Variants in SORCS3 observed in about 807,000 individuals in gnomAD.
SORCS3 encodes the protein sortilin related VPS10 domain containing receptor 3, also known as VPS10 domain-containing receptor SorCS3.
SORCS3 carries 57 observed loss-of-function variants against 146.3 expected under a neutral mutation model. The ratio of observed to expected loss-of-function variants is 0.39; its 90% CI spans 0.31 to 0.49. SORCS3 has a LOEUF of 0.49. Among genes scored for constraint, SORCS3 ranks in the 20% least tolerant of loss-of-function variants. The pLI is 0.92. For missense variants in SORCS3, 1,341 were observed against 1,575.5 expected (o/e 0.85, Z 2.52); for synonymous variants, 653 against 618.5 (o/e 1.06, Z -0.83).
chr10:104,799,066 T>C (rs926429260), intron 1 of SORCS3, among the ~76,000 whole-genome samples: 1 of 152,170 alleles, frequency 6.6e-6, no homozygotes, highest in Admixed American at 6.5e-5. Flanking sequence ...AGAGAGGTTG[T>C]GGAGAAATAG....
At chr10:105,180,952 A>G (rs1444503941) in intron 14 of SORCS3, among the ~76,000 whole-genome samples, 1 of 152,168 alleles carries the variant, frequency 6.6e-6, no homozygotes, top group Non-Finnish European at 1.5e-5. Context: ...ATGTTAATAC[A>G]AAGGGTATTA....
intron 4 of SORCS3, among the ~76,000 whole-genome samples, chr10:105,035,415 T>G (rs756389796): frequency 1.1e-4 from 16 of 152,132 alleles, no homozygotes; most frequent in Non-Finnish European, 1.5e-4. Flanking sequence ...CTTTTTAAAT[T>G]TAGTCTTGTT....
chr10:104,701,130 C>T (rs1202341211), intron 1 of SORCS3, among the ~76,000 whole-genome samples: 1 of 152,168 alleles, frequency 6.6e-6, no homozygotes, highest in African/African-American at 2.4e-5. Context: ...GTGAGTTCTA[C>T]CTCTCTGGAA....
chr10:105,112,453 A>G (rs756972610), intron 7 of SORCS3, among the ~76,000 whole-genome samples: 7 of 152,294 alleles, frequency 4.6e-5, no homozygotes, highest in Non-Finnish European at 8.8e-5. Flanking sequence ...TCATTGAAAT[A>G]AAGTTGCCTC....
intron 20 of SORCS3, among the ~76,000 whole-genome samples, chr10:105,238,140 C>A (rs577366714): frequency 6.6e-6 from 1 of 152,284 alleles, no homozygotes; most frequent in South Asian, 2.1e-4. Context: ...TTTCTGAAAT[C>A]CAACTGTAGG....
intron 2 of SORCS3, among the ~76,000 whole-genome samples, chr10:104,843,989 G>T (rs956793542): frequency 6.6e-6 from 1 of 152,202 alleles, no homozygotes; most frequent in Admixed American, 6.5e-5. Context: ...GGGGACTGGG[G>T]TGTGAAATGC....
chr10:105,248,583 G>A (rs1356041745), intron 22 of SORCS3, among the ~76,000 whole-genome samples: 10 of 151,980 alleles, frequency 6.6e-5, no homozygotes, highest in Non-Finnish European at 1.3e-4. Context: ...GTGTGGTGGC[G>A]TGTGCCTGTA....
intron 14 of SORCS3, among the ~76,000 whole-genome samples, chr10:105,178,827 T>C (rs760199543): frequency 2.0e-5 from 3 of 152,130 alleles, no homozygotes; most frequent in Non-Finnish European, 4.4e-5. Context: ...TGGAGAACCT[T>C]ACACCTCAGC....
At chr10:104,934,507 A>G (rs539977437) in intron 3 of SORCS3, among the ~76,000 whole-genome samples, 1 of 152,316 alleles carries the variant, frequency 6.6e-6, no homozygotes, top group Admixed American at 6.5e-5. Flanking sequence ...TACAGTGTCA[A>G]TAATTTTAAA....
chr10:104,903,568 A>C (rs985197221), intron 2 of SORCS3, among the ~76,000 whole-genome samples: 1 of 152,194 alleles, frequency 6.6e-6, no homozygotes, highest in Non-Finnish European at 1.5e-5. Context: ...TAACAATAAT[A>C]AAAAAAGGCA....
chr10:105,081,991 C>G (rs1354167136), intron 5 of SORCS3, among the ~76,000 whole-genome samples: 4 of 152,118 alleles, frequency 2.6e-5, no homozygotes, highest in African/African-American at 9.7e-5. Flanking sequence ...GTTTATCTAA[C>G]AGAATGAAAG....
chr10:104,973,791 G>A (rs2133645530), intron 3 of SORCS3, among the ~76,000 whole-genome samples: 1 of 145,384 alleles, frequency 6.9e-6, no homozygotes, highest in African/African-American at 2.7e-5. Flanking sequence ...TGATGTTAGG[G>A]TGTCAATTTT....
At chr10:105,176,286 T>G (rs2056400982) in intron 13 of SORCS3, among the ~76,000 whole-genome samples, 1 of 152,088 alleles carries the variant, frequency 6.6e-6, no homozygotes, top group African/African-American at 2.4e-5. Context: ...GGCTCACACC[T>G]GTAATCCCAG....
chr10:105,071,046 T>G (rs2133725918), intron 5 of SORCS3, among the ~76,000 whole-genome samples: 1 of 152,298 alleles, frequency 6.6e-6, no homozygotes, highest in East Asian at 1.9e-4. Flanking sequence ...GCTATTCCCC[T>G]TCTGGGCTGT....
At chr10:105,003,998 C>CTTTTTT (rs35604992) in intron 4 of SORCS3, among the ~76,000 whole-genome samples, 13 of 136,032 alleles carry the variant, frequency 9.6e-5, no homozygotes, top group African/African-American at 2.0e-4. Context: ...TCTCTTCTCT[C>CTTTTTT]TCTTTTTTTT....
rs192206943 is a variant in SORCS3 at position 104,997,576 on chromosome 10, C to A, written c.954+20083C>A. Among the ~76,000 whole-genome samples, 6 of 152,242 alleles carry A rather than the reference C, an allele frequency of 3.9e-5. No homozygotes were observed. The East Asian group carries it at 1.2e-3, about 29-fold the overall frequency. On this transcript the variant is annotated intron_variant, in intron 4 of 26. Coordinates refer to ENST00000369701, the MANE Select transcript of SORCS3 (RefSeq NM_014978.3). ...GTCTTGGGAGAAGAAGAAGGTACAT[C>A]AGGGATTGAGGGTGAGGAAGATGCA...
chr10:105,015,599 G>A (rs1173520557), intron 4 of SORCS3, among the ~76,000 whole-genome samples: 1 of 152,124 alleles, frequency 6.6e-6, no homozygotes, highest in African/African-American at 2.4e-5. Context: ...CATACCTATG[G>A]GGTAGAATTA....
chr10:104,826,971 T>C (rs572945352), intron 1 of SORCS3, among the ~76,000 whole-genome samples: 53 of 152,340 alleles, frequency 3.5e-4, no homozygotes, highest in African/African-American at 1.3e-3. Flanking sequence ...TGCTTTCTTT[T>C]CTCATCTGTT....
At chr10:105,219,554 C>A (rs1427628201) in intron 19 of SORCS3, among the ~76,000 whole-genome samples, 1 of 152,144 alleles carries the variant, frequency 6.6e-6, no homozygotes, top group Admixed American at 6.5e-5. Context: ...CAGATACCAG[C>A]CTGGGGCCAA....
Sources: allele counts gnomAD v4.1 joint callset (sites outside exome capture counted in the v4.1 genomes callset), GRCh38; gene constraint gnomAD v4.1.1; transcripts MANE v1.5; gene names NCBI Gene and HGNC (gene_info 2026-07-23, HGNC 2026-07-21).